SAMMSON: variants seen among roughly 807,000 people sequenced by gnomAD.
SAMMSON encodes long intergenic non-protein coding RNA 1212.
At chr3:70,126,184 G>T in intron 4 of SAMMSON, 1 of 1,143,284 alleles carries the variant, frequency 8.7e-7, no homozygotes, top group Non-Finnish European at 1.3e-6. Flanking sequence ...ATGGTTTGGT[G>T]TAATTACATT....
At chr3:70,407,643 C>T (rs1241466849) in intron 2 of SAMMSON, among the ~76,000 whole-genome samples, 1 of 152,184 alleles carries the variant, frequency 6.6e-6, no homozygotes, top group Admixed American at 6.5e-5. Context: ...GCAGCTCTGC[C>T]CCTGTGGCTT....
intron 4 of SAMMSON, among the ~76,000 whole-genome samples, chr3:70,173,284 TG>T (rs1170341047): frequency 6.6e-6 from 1 of 151,986 alleles, no homozygotes; most frequent in Non-Finnish European, 1.5e-5. Flanking sequence ...GTCTCTGTTC[TG>T]TTTGTCACAG....
intron 4 of SAMMSON, among the ~76,000 whole-genome samples, chr3:70,141,949 A>G (rs2067529354): frequency 1.3e-5 from 2 of 152,184 alleles, no homozygotes; most frequent in Admixed American, 6.6e-5. Flanking sequence ...ATCACTAATG[A>G]TCAGGGAAAT....
chr3:70,073,639 TTC>T (rs1481258578), intron 4 of SAMMSON, among the ~76,000 whole-genome samples: 1 of 151,968 alleles, frequency 6.6e-6, no homozygotes, highest in Non-Finnish European at 1.5e-5. Context: ...TTCCCTTTCT[TTC>T]TCTCTTTCCC....
chr3:70,039,422 C>CAA (rs2107586031), intron 3 of SAMMSON, among the ~76,000 whole-genome samples: 1 of 152,112 alleles, frequency 6.6e-6, no homozygotes. Flanking sequence ...TTGACTAGAA[C>CAA]AAAAATACTG....
At chr3:70,295,919 C>A (rs1306604787) in intron 7 of SAMMSON, among the ~76,000 whole-genome samples, 1 of 152,048 alleles carries the variant, frequency 6.6e-6, no homozygotes, top group African/African-American at 2.4e-5. Flanking sequence ...CATTATATTC[C>A]TTCATGAAAA....
At chr3:70,373,997 C>A (rs1203393498) in intron 9 of SAMMSON, among the ~76,000 whole-genome samples, 1 of 152,298 alleles carries the variant, frequency 6.6e-6, no homozygotes, top group East Asian at 1.9e-4. Context: ...TCACTGCAAC[C>A]TCCGCCTCCC....
At chr3:70,427,725 G>A (rs1289523224) in intron 2 of SAMMSON, among the ~76,000 whole-genome samples, 22 of 123,918 alleles carry the variant, frequency 1.8e-4, no homozygotes, top group Non-Finnish European at 2.3e-4. Context: ...GCGACAGAGC[G>A]AAACTCCGTC....
chr3:70,147,412 TG>T (rs2067553384), intron 4 of SAMMSON, among the ~76,000 whole-genome samples: 1 of 152,048 alleles, frequency 6.6e-6, no homozygotes, highest in African/African-American at 2.4e-5. Flanking sequence ...ACTCAATTTT[TG>T]GACTTACTGT....
At chr3:70,325,343 T>C (rs1456096026) in intron 7 of SAMMSON, among the ~76,000 whole-genome samples, 1 of 152,148 alleles carries the variant, frequency 6.6e-6, no homozygotes, top group East Asian at 1.9e-4. Context: ...GTGTATTTCA[T>C]TTTCTGTTCC....
intron 3 of SAMMSON, among the ~76,000 whole-genome samples, chr3:70,039,654 G>GT (rs1441832392): frequency 6.9e-6 from 1 of 144,808 alleles, no homozygotes; most frequent in African/African-American, 2.6e-5. Context: ...CTTTCTATTG[G>GT]TTTTTGTTTA....
intron 3 of SAMMSON, among the ~76,000 whole-genome samples, chr3:70,044,780 G>A (rs1209762652): frequency 1.3e-5 from 2 of 149,338 alleles, no homozygotes; most frequent in Non-Finnish European, 3.0e-5. Context: ...ATGTAACTGT[G>A]TTTACATATA....
At chr3:70,331,150 C>T (rs1463664089) in intron 7 of SAMMSON, among the ~76,000 whole-genome samples, 1 of 152,112 alleles carries the variant, frequency 6.6e-6, no homozygotes, top group East Asian at 1.9e-4. Flanking sequence ...TAAGTGTGCC[C>T]ACAAATCTCA....
At chr3:70,416,737 A>G (rs1323133630) in intron 2 of SAMMSON, among the ~76,000 whole-genome samples, 2 of 152,124 alleles carry the variant, frequency 1.3e-5, no homozygotes, top group African/African-American at 4.8e-5. Context: ...AGGGATCTAT[A>G]TCACCAGCAT....
chr3:70,362,760 G>T (rs1702883168), intron 9 of SAMMSON, among the ~76,000 whole-genome samples: 1 of 150,388 alleles, frequency 6.6e-6, no homozygotes, highest in African/African-American at 2.4e-5. Flanking sequence ...AATACAAGAA[G>T]CTTACTCTGA....
At chr3:70,045,297 A>C (rs2067122312) in intron 3 of SAMMSON, among the ~76,000 whole-genome samples, 1 of 149,612 alleles carries the variant, frequency 6.7e-6, no homozygotes, top group Non-Finnish European at 1.5e-5. Flanking sequence ...CTTTTACCCC[A>C]GACATTTTTG....
intron 9 of SAMMSON, among the ~76,000 whole-genome samples, chr3:70,388,419 G>T (rs1203493844): frequency 6.6e-6 from 1 of 151,966 alleles, no homozygotes; most frequent in African/African-American, 2.4e-5. Flanking sequence ...ACAGTTGTTT[G>T]TATGTTTCTT....
intron 3 of SAMMSON, among the ~76,000 whole-genome samples, chr3:70,035,867 C>A (rs998415702): frequency 1.3e-5 from 2 of 152,032 alleles, no homozygotes; most frequent in Non-Finnish European, 2.9e-5. Context: ...ATTTAAAAAT[C>A]CTATATCATA....
intron 4 of SAMMSON, among the ~76,000 whole-genome samples, chr3:70,184,482 G>A (rs959730157): frequency 2.0e-5 from 3 of 152,126 alleles, no homozygotes; most frequent in Admixed American, 6.5e-5. Flanking sequence ...TTTTTCACCC[G>A]ATTTTGGATC....
Sources: allele counts gnomAD v4.1 joint callset (sites outside exome capture counted in the v4.1 genomes callset), GRCh38; gene constraint gnomAD v4.1.1; transcripts MANE v1.5; gene names NCBI Gene and HGNC (gene_info 2026-07-23, HGNC 2026-07-21).